ADCY8: variants seen among roughly 807,000 people sequenced by gnomAD.
The protein encoded by ADCY8 is adenylate cyclase 8, also known as adenylate cyclase type 8.
In ADCY8, 51 loss-of-function variants were observed where a neutral mutation model predicts 119.7. The ratio of observed to expected loss-of-function variants is 0.43; its 90% CI spans 0.34 to 0.54. ADCY8 has a LOEUF of 0.54. ADCY8 is among the 20% of genes least tolerant of loss of function. The probability of loss-of-function intolerance (pLI) is 0.03; values close to 1 mark genes in which losing one functional copy is unlikely to be tolerated. For synonymous variants in ADCY8, 665 were observed against 651.0 expected (o/e 1.02, Z -0.33); for missense variants, 1,383 against 1,598.8 (o/e 0.87, Z 2.30).
intron 14 of ADCY8, among the ~76,000 whole-genome samples, chr8:130,813,497 C>T (rs955341304): frequency 9.2e-5 from 14 of 152,096 alleles, no homozygotes; most frequent in African/African-American, 2.9e-4. Context: ...TTATTTTTTG[C>T]GAATGGCCCA....
intron 7 of ADCY8, among the ~76,000 whole-genome samples, chr8:130,889,355 C>G (rs1302782062): frequency 6.6e-6 from 1 of 152,104 alleles, no homozygotes; most frequent in Non-Finnish European, 1.5e-5. Flanking sequence ...TGAAAAATTT[C>G]TTATATCTTC....
intron 12 of ADCY8, among the ~76,000 whole-genome samples, chr8:130,829,159 G>A (rs183265958): frequency 3.9e-5 from 6 of 152,306 alleles, no homozygotes; most frequent in African/African-American, 1.4e-4. Context: ...ATTCAACACC[G>A]TGCCTGGATA....
intron 1 of ADCY8, among the ~76,000 whole-genome samples, chr8:131,009,260 G>A (rs1283782763): frequency 6.6e-6 from 1 of 152,210 alleles, no homozygotes; most frequent in East Asian, 1.9e-4. Flanking sequence ...GGTAGGCCAA[G>A]GGCCCCCCTG....
At chr8:130,834,285 A>C (rs1233319019) in intron 12 of ADCY8, among the ~76,000 whole-genome samples, 1 of 152,214 alleles carries the variant, frequency 6.6e-6, no homozygotes, top group Non-Finnish European at 1.5e-5. Flanking sequence ...AATAAAACCC[A>C]AATAGCCAAC....
intron 12 of ADCY8, 46 bp from the exon 13 acceptor site, chr8:130,821,466 G>A (rs749781288): frequency 6.3e-5 from 91 of 1,441,746 alleles, no homozygotes; most frequent in Non-Finnish European, 8.1e-5. Flanking sequence ...GGACTTCAAG[G>A]AGACCTATGA....
chr8:131,001,378 C>G (rs1822941420), intron 1 of ADCY8, among the ~76,000 whole-genome samples: 1 of 151,904 alleles, frequency 6.6e-6, no homozygotes, highest in South Asian at 2.1e-4. Flanking sequence ...TCATCAGAGA[C>G]CTGGGTTTGC....
intron 5 of ADCY8, among the ~76,000 whole-genome samples, chr8:130,933,864 T>G (rs192506241): frequency 2.6e-4 from 39 of 152,360 alleles, no homozygotes; most frequent in African/African-American, 9.4e-4. Context: ...TTATGGAAAG[T>G]CTGTAGAAAG....
chr8:130,783,662 A>G (rs779031863), intron 17 of ADCY8, 29 bp downstream of exon 17: 2 of 1,558,346 alleles, frequency 1.3e-6, no homozygotes, highest in Admixed American at 1.7e-5. Context: ...AGCTGGCTCT[A>G]TCAGGCCCCA....
chr8:130,854,886 C>T (rs1213939065), intron 9 of ADCY8, among the ~76,000 whole-genome samples: 2 of 124,844 alleles, frequency 1.6e-5, no homozygotes, highest in Non-Finnish European at 3.3e-5. Flanking sequence ...CTTTCTTTTC[C>T]CTTTCCCTCC....
At chr8:130,821,212 T>C (rs898170701) in intron 13 of ADCY8, 130 bp downstream of exon 13, 1 of 660,688 alleles carries the variant, frequency 1.5e-6, no homozygotes, top group African/African-American at 1.8e-5. Context: ...TTATTAGGAA[T>C]TGATTCTTTA....
At chr8:130,999,713 C>T (rs1822885941) in intron 1 of ADCY8, among the ~76,000 whole-genome samples, 2 of 152,170 alleles carry the variant, frequency 1.3e-5, no homozygotes, top group African/African-American at 2.4e-5. Flanking sequence ...AAGATACTTC[C>T]ACCTATTTCT....
At chr8:130,943,000 G>A (rs1821001507) in intron 4 of ADCY8, among the ~76,000 whole-genome samples, 1 of 152,016 alleles carries the variant, frequency 6.6e-6, no homozygotes, top group South Asian at 2.1e-4. Context: ...GAAACTGCAG[G>A]CCATCATTAC....
intron 1 of ADCY8, among the ~76,000 whole-genome samples, chr8:131,019,520 C>A (rs770883170): frequency 2.0e-5 from 3 of 152,174 alleles, no homozygotes; most frequent in Non-Finnish European, 4.4e-5. Context: ...AGGATTTGAG[C>A]CAGATAGAAA....
In ADCY8 at chr8:130,796,179, C is replaced by A. The variant is rs935465055; in HGVS notation, c.3060+4247G>T. ...TCTTCAGAATCACTTGGCCAAGAGC[C>A]AGCTTCAGGCTCTGGTAAGCCTCCC... On this transcript the variant is annotated intron_variant, in intron 15 of 17. Coordinates refer to ENST00000286355, the MANE Select transcript of ADCY8 (RefSeq NM_001115.3). 5.3e-5 allele frequency among the ~76,000 whole-genome samples: 8 copies of A among 152,318 alleles called. No individual in the cohort carries two copies. The East Asian group carries it at 1.5e-3, about 29-fold the overall frequency.
chr8:130,818,328 C>T (rs1816406806), intron 13 of ADCY8, among the ~76,000 whole-genome samples: 1 of 152,170 alleles, frequency 6.6e-6, no homozygotes, highest in African/African-American at 2.4e-5. Context: ...TTCTCTTTCT[C>T]CTTGTGGAGG....
intron 2 of ADCY8, among the ~76,000 whole-genome samples, chr8:130,983,892 T>A (rs190393433): frequency 5.3e-5 from 8 of 152,358 alleles, no homozygotes; most frequent in Non-Finnish European, 8.8e-5. Context: ...AGCCACTTTA[T>A]TATTGGCAAA....
chr8:130,919,371 G>T (rs953112833), intron 5 of ADCY8, among the ~76,000 whole-genome samples: 1 of 152,090 alleles, frequency 6.6e-6, no homozygotes, highest in South Asian at 2.1e-4. Flanking sequence ...CCAGCTGTAG[G>T]CACATAGATA....
intron 14 of ADCY8, among the ~76,000 whole-genome samples, chr8:130,812,850 C>G (rs1269600847): frequency 6.6e-6 from 1 of 152,020 alleles, no homozygotes; most frequent in South Asian, 2.1e-4. Flanking sequence ...ACATGTATCA[C>G]ACATATATGC....
At chr8:130,853,897 G>A (rs1669999776) in intron 9 of ADCY8, among the ~76,000 whole-genome samples, 2 of 152,078 alleles carry the variant, frequency 1.3e-5, no homozygotes, top group South Asian at 4.1e-4. Flanking sequence ...TGTAAAACAG[G>A]GATTTTTTAA....
Sources: allele counts gnomAD v4.1 joint callset (sites outside exome capture counted in the v4.1 genomes callset), GRCh38; gene constraint gnomAD v4.1.1; transcripts MANE v1.5; gene names NCBI Gene and HGNC (gene_info 2026-07-23, HGNC 2026-07-21).